The following ANKRD30A variants were observed in gnomAD, a reference collection of about 807,000 sequenced individuals.
The protein encoded by ANKRD30A is ankyrin repeat domain-containing protein 30A.
A neutral mutation model predicts 166.3 loss-of-function variants in ANKRD30A; 170 were observed. The observed-to-expected ratio is 1.02, with a 90% CI of 0.90 to 1.16. ANKRD30A has a LOEUF of 1.16. Ranked by LOEUF, ANKRD30A falls within the 50% of genes most tolerant of loss-of-function variation. The pLI, the probability that ANKRD30A is intolerant of heterozygous loss-of-function variation, is 0.00. For synonymous variants in ANKRD30A, 564 were observed against 508.9 expected (o/e 1.11, Z -1.46); for missense variants, 1,630 against 1,518.0 (o/e 1.07, Z -1.23).
At chr10:37,158,639 G>A in intron 15 of ANKRD30A, 53 bp downstream of exon 15, 1 of 1,596,192 alleles carries the variant, frequency 6.3e-7, no homozygotes, top group Non-Finnish European at 8.5e-7. Context: ...TAAAATATTT[G>A]AAATGCTGTG....
At chr10:37,248,370 C>T in the ANKRD30A span, 1 of 329,066 alleles carries the variant, frequency 3.0e-6, no homozygotes, top group Non-Finnish European at 6.1e-6. Flanking sequence ...GACCGTGACT[C>T]CCATCCCAGC....
intron 34 of ANKRD30A, among the ~76,000 whole-genome samples, chr10:37,229,542 A>G (rs187671922): frequency 1.4e-4 from 22 of 152,084 alleles, no homozygotes; most frequent in African/African-American, 5.1e-4. Flanking sequence ...GAAGCATATC[A>G]TAAATTATAG....
chr10:37,152,096 A>T lies in ANKRD30A; in HGVS notation c.1682A>T (p.Tyr561Phe). Reference sequence around the variant, plus strand: ...CCACCAGAATCCAAACAAAAGGACTATGAAGAAAATTCTTGGGATTCTGAG... The same window carrying T: ...CCACCAGAATCCAAACAAAAGGACTTTGAAGAAAATTCTTGGGATTCTGAG... ...MFPPESKQKD[Y>F]EENSWDSESL... The change falls in exon 12 of 36, where the codon TAT (tyrosine) becomes TTT (phenylalanine). Residue 561 changes from tyrosine to phenylalanine, a missense_variant. Transcript: ENST00000361713. The T allele has an allele frequency of 6.2e-7, 1 of 1,609,624 alleles. No individual in the cohort carries two copies. The highest frequency in any genetic ancestry group is 8.5e-7 in the Non-Finnish European group (1 of 1,177,286).
intron 31 of ANKRD30A, among the ~76,000 whole-genome samples, chr10:37,206,869 C>G (rs1234255224): frequency 6.6e-6 from 1 of 151,812 alleles, no homozygotes; most frequent in African/African-American, 2.4e-5. Context: ...TAGAAACAAA[C>G]AAAAAATGCT....
intron 11 of ANKRD30A, 102 bp from the exon 12 acceptor site, chr10:37,151,958 G>GA: frequency 9.3e-7 from 1 of 1,078,720 alleles, no homozygotes; most frequent in South Asian, 1.6e-5. Context: ...GGCCACAGAG[G>GA]AAAAACCACA....
At chr10:37,257,501 T>C in the ANKRD30A span, among the ~76,000 whole-genome samples, 1 of 152,206 alleles carries the variant, frequency 6.6e-6, no homozygotes, top group East Asian at 1.9e-4. Flanking sequence ...AGGGGGTCGA[T>C]TTTAGATCTT....
At chr10:37,221,763 G>A (rs1344573277) in intron 34 of ANKRD30A, among the ~76,000 whole-genome samples, 8 of 151,184 alleles carry the variant, frequency 5.3e-5, no homozygotes, top group East Asian at 1.9e-4. Context: ...GATAAACAGT[G>A]TTTTTCAGTG....
At chr10:37,127,046 CAAAAA>C (rs71007622) in intron 1 of ANKRD30A, among the ~76,000 whole-genome samples, 3 of 16,504 alleles carry the variant, frequency 1.8e-4, no homozygotes, top group African/African-American at 6.8e-4. Context: ...AACTCTGTCT[CAAAAA>C]AAAAAAAAAA....
Position 37,199,760 on chromosome 10 carries a change from A to C in ANKRD30A, c.2750A>C (p.Lys917Thr). The change falls in exon 30 of 36, where the codon AAG (lysine) becomes ACG (threonine). Residue 917 changes from lysine (K) to threonine (T), a missense_variant. Lys to Thr is a moderately conservative substitution (Grantham distance 78). Transcript: ENST00000361713. ...QMFPSESKQK[K>T]VEENSWDSES... Reference sequence around the variant, plus strand: ...TTCCCTTCAGAATCAAAACAAAAGAAGGTTGAAGAAAATTCTTGGGATTCT... The same window carrying C: ...TTCCCTTCAGAATCAAAACAAAAGACGGTTGAAGAAAATTCTTGGGATTCT... 6.3e-7 allele frequency: 1 copy of C among 1,581,904 alleles called. No individual in the cohort carries two copies. Among genetic ancestry groups the C allele is most frequent in the South Asian group, 1.1e-5 (1 of 88,988 alleles).
chr10:37,132,368 TA>T, intron 4 of ANKRD30A, 22 bp downstream of exon 4: 1 of 1,394,796 alleles, frequency 7.2e-7, no homozygotes, highest in Non-Finnish European at 9.8e-7. Flanking sequence ...CTTTTTTTAT[TA>T]AAAAACACTT....
intron 27 of ANKRD30A, among the ~76,000 whole-genome samples, 163 bp downstream of exon 27, chr10:37,193,421 T>G (rs2132664088): frequency 6.6e-6 from 1 of 152,238 alleles, no homozygotes; most frequent in Admixed American, 6.5e-5. Flanking sequence ...AAAATGCCAT[T>G]TATAAGCCTA....
At chr10:37,156,907 G>T (rs1330236837) in intron 13 of ANKRD30A, among the ~76,000 whole-genome samples, 4 of 152,108 alleles carry the variant, frequency 2.6e-5, no homozygotes, top group Admixed American at 2.6e-4. Flanking sequence ...ATATGGTCAT[G>T]CATATTTAGC....
At chr10:37,262,289 T>C in the ANKRD30A span, among the ~76,000 whole-genome samples, 1 of 152,176 alleles carries the variant, frequency 6.6e-6, no homozygotes, top group African/African-American at 2.4e-5. Flanking sequence ...GATTGAGAGC[T>C]CTTCTGGAAG....
chr10:37,165,033 T>A (rs1839202844), intron 17 of ANKRD30A, 61 bp from the exon 18 acceptor site: 12 of 1,510,786 alleles, frequency 7.9e-6, no homozygotes, highest in Non-Finnish European at 1.1e-5. Flanking sequence ...TTTGTATATG[T>A]TTTTAAAATT....
intron 27 of ANKRD30A, among the ~76,000 whole-genome samples, chr10:37,194,226 A>G (rs976543073): frequency 6.6e-6 from 1 of 152,030 alleles, no homozygotes; most frequent in Non-Finnish European, 1.5e-5. Context: ...AGCTCACAAC[A>G]TATGTGTGGT....
the ANKRD30A span, among the ~76,000 whole-genome samples, chr10:37,256,408 CA>C: frequency 1.3e-5 from 2 of 152,172 alleles, no homozygotes; most frequent in African/African-American, 4.8e-5. Context: ...AGGTGAACAC[CA>C]CCACACTTGG....
chr10:37,211,190 T>C (rs1353041766), intron 31 of ANKRD30A, among the ~76,000 whole-genome samples: 2 of 152,038 alleles, frequency 1.3e-5, no homozygotes, highest in East Asian at 3.9e-4. Flanking sequence ...GTGCATAACA[T>C]GCAGGTTAGT....
intron 27 of ANKRD30A, among the ~76,000 whole-genome samples, chr10:37,195,657 G>A (rs1841019235): frequency 6.6e-6 from 1 of 152,200 alleles, no homozygotes; most frequent in Admixed American, 6.5e-5. Flanking sequence ...CACGTTGGGA[G>A]GCCGTGACTG....
intron 6 of ANKRD30A, among the ~76,000 whole-genome samples, chr10:37,138,605 T>G (rs925426528): frequency 3.1e-4 from 47 of 152,210 alleles, no homozygotes; most frequent in Middle Eastern, 3.4e-3. Context: ...GCCGATTCGA[T>G]CAACTGGAAG....
Sources: allele counts gnomAD v4.1 joint callset (sites outside exome capture counted in the v4.1 genomes callset), GRCh38; gene constraint gnomAD v4.1.1; transcripts MANE v1.5; gene names NCBI Gene and HGNC (gene_info 2026-07-23, HGNC 2026-07-21).